The following FEZ1 variants were observed in gnomAD, a reference collection of about 807,000 sequenced individuals.
The protein encoded by FEZ1 is fasciculation and elongation protein zeta 1, also known as fasciculation and elongation protein zeta-1.
A neutral mutation model predicts 49.3 loss-of-function variants in FEZ1; 20 were observed. The observed-to-expected ratio is 0.41, with a 90% CI of 0.29 to 0.59. The LOEUF is 0.59. Ranked by LOEUF, FEZ1 falls within the 20% of genes least tolerant of loss-of-function variation. The pLI is 0.36. For synonymous variants in FEZ1, 170 were observed against 180.9 expected, an observed-to-expected ratio of 0.94 and a Z score of 0.48; for missense variants, 413 against 476.0, an observed-to-expected ratio of 0.87 and a Z score of 1.23.
chr11:125,486,597 C>T (rs1957328331), intron 2 of FEZ1, among the ~76,000 whole-genome samples: 1 of 152,198 alleles, frequency 6.6e-6, no homozygotes. Flanking sequence ...ACTACATTTG[C>T]TCTATGATTT....
chr11:125,450,109 C>A (rs923612315), intron 8 of FEZ1, among the ~76,000 whole-genome samples: 2 of 151,288 alleles, frequency 1.3e-5, no homozygotes, highest in African/African-American at 2.4e-5. Context: ...CTCACTGCAA[C>A]CTCCGCCTCC....
intron 7 of FEZ1, chr11:125,453,876 T>C: frequency 3.0e-6 from 1 of 328,540 alleles, no homozygotes; most frequent in Non-Finnish European, 5.3e-6. Flanking sequence ...TTCTTAGACC[T>C]ACAAGCAGTG....
chr11:125,457,423 AAAAAAAAT>A (rs1256404060), intron 5 of FEZ1, among the ~76,000 whole-genome samples: 13 of 37,594 alleles, frequency 3.5e-4, no homozygotes, highest in Admixed American at 8.8e-4. Context: ...AAAAAAAAAA[AAAAAAAAT>A]ATATATATAT....
intron 3 of FEZ1, among the ~76,000 whole-genome samples, chr11:125,468,416 C>A (rs746780540): frequency 2.0e-5 from 3 of 152,154 alleles, no homozygotes; most frequent in Non-Finnish European, 4.4e-5. Context: ...CTTCTAACTC[C>A]TAGGCTCAAG....
At chr11:125,487,694 G>A (rs1957338068) in intron 2 of FEZ1, among the ~76,000 whole-genome samples, 1 of 152,172 alleles carries the variant, frequency 6.6e-6, no homozygotes, top group African/African-American at 2.4e-5. Context: ...GAAGGAAATG[G>A]TGTGGGCTTA....
chr11:125,458,164 A>G (rs1957038137), intron 5 of FEZ1, among the ~76,000 whole-genome samples: 3 of 152,190 alleles, frequency 2.0e-5, no homozygotes, highest in Admixed American at 1.3e-4. Context: ...TGCAGGATGC[A>G]GGCCTCCAGA....
chr11:125,482,744 G>A (rs965659545), intron 2 of FEZ1, among the ~76,000 whole-genome samples: 2 of 151,980 alleles, frequency 1.3e-5, no homozygotes, highest in Non-Finnish European at 2.9e-5. Context: ...TGGGCAGATC[G>A]CTTGACTCCA....
intron 3 of FEZ1, among the ~76,000 whole-genome samples, chr11:125,469,843 G>A (rs1027207439): frequency 1.3e-5 from 2 of 151,654 alleles, no homozygotes; most frequent in South Asian, 2.1e-4. Flanking sequence ...CTCCCAAGTA[G>A]TTGGGACTGC....
intron 9 of FEZ1, among the ~76,000 whole-genome samples, chr11:125,447,671 A>AATTAGT (rs1185674798): frequency 6.6e-6 from 1 of 151,958 alleles, no homozygotes; most frequent in Admixed American, 6.6e-5. Flanking sequence ...AAAATACAAA[A>AATTAGT]ATTAGTTGAG....
At chr11:125,479,546 C>T (rs1226459511) in intron 3 of FEZ1, among the ~76,000 whole-genome samples, 1 of 152,078 alleles carries the variant, frequency 6.6e-6, no homozygotes, top group Non-Finnish European at 1.5e-5. Flanking sequence ...TGTTTATGTC[C>T]CACCCCCCAA....
chr11:125,455,572 G>T, intron 6 of FEZ1: 1 of 517,112 alleles, frequency 1.9e-6, no homozygotes, highest in Non-Finnish European at 3.5e-6. Flanking sequence ...TTTCTTTAAG[G>T]TCTTGCCTAC....
intron 9 of FEZ1, 44 bp from the exon 10 acceptor site, chr11:125,446,155 G>A: frequency 6.2e-7 from 1 of 1,609,522 alleles, no homozygotes; most frequent in South Asian, 1.1e-5. Context: ...GAACACAGTT[G>A]CAGGTGGGGA....
rs759357162 is a variant in FEZ1, at chr11:125,454,089, G to A, written c.1020+41C>T. The A allele has an allele frequency of 9.6e-6, 14 of 1,451,006 alleles. 1 individual carries two copies. The South Asian group carries it at 1.7e-4, about 17-fold the overall frequency. The allele number at this position is 1,451,006 out of a possible 1,614,324, so 89.9% of individuals were successfully genotyped here. A position where few individuals can be genotyped will look rare whatever the true frequency, so the allele number is the denominator to read the frequency against. ...CGTTGCTGGGGAGGCCAAGCTGCAG[G>A]AGTCTAGGAAGAGAGCTTGGAGCAG... On this transcript the variant is annotated intron_variant, in intron 7 of 9. Transcript: ENST00000278919.
chr11:125,462,421 A>T (rs1460270306), intron 4 of FEZ1, among the ~76,000 whole-genome samples: 2 of 152,198 alleles, frequency 1.3e-5, no homozygotes, highest in African/African-American at 4.8e-5. Flanking sequence ...CAAAATTTTG[A>T]GTGTTCTATG....
In FEZ1 at chr11:125,451,219, C is replaced by G. The variant is rs143518482; in HGVS notation, c.1096+1115G>C. ...ATTTTCTCCCTTAAAAAAAAAGAAA[C>G]TTAGTGCATATTTATGCAAATAAAG... On this transcript the variant is annotated intron_variant, in intron 8 of 9. Transcript: ENST00000278919. Among the ~76,000 whole-genome samples the G allele has an allele frequency of 1.2e-3, 189 of 152,118 alleles. 3 individuals are homozygous for G. In the East Asian group the frequency reaches 0.028, roughly 23 times the overall value.
intron 1 of FEZ1, among the ~76,000 whole-genome samples, chr11:125,494,448 T>C (rs990580968): frequency 1.3e-5 from 2 of 152,220 alleles, no homozygotes; most frequent in African/African-American, 2.4e-5. Context: ...GCTTGCACCA[T>C]CCTCATTCAT....
intron 2 of FEZ1, chr11:125,481,895 A>T (rs973411184): frequency 2.0e-6 from 1 of 498,218 alleles, no homozygotes; most frequent in Non-Finnish European, 3.6e-6. Flanking sequence ...TTGAGATACA[A>T]ATGGCAGCAT....
intron 3 of FEZ1, among the ~76,000 whole-genome samples, chr11:125,468,812 G>T (rs373689318): frequency 6.6e-6 from 1 of 152,172 alleles, no homozygotes; most frequent in Non-Finnish European, 1.5e-5. Flanking sequence ...GCAGCATGGC[G>T]GGGCTATGTA....
intron 6 of FEZ1, chr11:125,455,542 A>G: frequency 2.3e-6 from 1 of 437,650 alleles, no homozygotes; most frequent in Non-Finnish European, 4.2e-6. Context: ...GACTCCCAAC[A>G]CGAAATACCC....
Sources: allele counts gnomAD v4.1 joint callset (sites outside exome capture counted in the v4.1 genomes callset), GRCh38; gene constraint gnomAD v4.1.1; transcripts MANE v1.5; gene names NCBI Gene and HGNC (gene_info 2026-07-23, HGNC 2026-07-21).